The following ADGB variants were observed in gnomAD, a reference collection of about 807,000 sequenced individuals.
ADGB encodes the protein androglobin.
Under a neutral mutation model 210.5 loss-of-function variants are expected in ADGB, and 172 were observed. That is an observed-to-expected ratio of 0.82 (90% CI 0.72 to 0.93). The LOEUF (loss-of-function observed/expected upper bound fraction) is 0.93, where lower values mean the gene tolerates loss of function less well. ADGB is among the 40% of genes least tolerant of loss of function. ADGB has a pLI of 0.00. For synonymous variants in ADGB, 658 were observed against 662.7 expected, an observed-to-expected ratio of 0.99 and a Z score of 0.11; for missense variants, 2,025 against 1,964.8, an observed-to-expected ratio of 1.03 and a Z score of -0.58.
At chr6:146,649,262 CAGA>C (rs1402279348) in intron 3 of ADGB, among the ~76,000 whole-genome samples, 1 of 150,066 alleles carries the variant, frequency 6.7e-6, no homozygotes, top group African/African-American at 2.5e-5. Context: ...GCTGATAACT[CAGA>C]AGATTTATCC....
intron 17 of ADGB, among the ~76,000 whole-genome samples, chr6:146,722,566 G>A (rs1388986651): frequency 6.6e-6 from 1 of 152,038 alleles, no homozygotes; most frequent in Admixed American, 6.6e-5. Context: ...ATCTCAACAA[G>A]GCCTTAGGCA....
Position 146,785,701 on chromosome 6 carries a change from CA to C in ADGB, c.4308del (p.Glu1437LysfsTer3). 1.9e-6 allele frequency: 3 copies of C among 1,549,378 alleles called. No individual in the cohort carries two copies. Among genetic ancestry groups the C allele is most frequent in the East Asian group, 2.4e-5 (1 of 40,898 alleles). On this transcript the variant is annotated frameshift_variant, in exon 32 of 36. Transcript: ENST00000397944. LOFTEE classifies it high-confidence loss of function. ...SPPISESQTK[P>X]KEEVETAARG... ...CCTATATCTGAAAGCCAAACTAAAC[CA>C]AAAGAAGAAGGTGAGTGGATCCTAC...
intron 26 of ADGB, among the ~76,000 whole-genome samples, chr6:146,749,975 C>T (rs545436837): frequency 6.6e-6 from 1 of 152,206 alleles, no homozygotes; most frequent in South Asian, 2.1e-4. Flanking sequence ...CCCTGATTAT[C>T]ATAATTCAAC....
chr6:146,642,276 A>T (rs917462182), intron 2 of ADGB, among the ~76,000 whole-genome samples: 3 of 152,064 alleles, frequency 2.0e-5, no homozygotes, highest in African/African-American at 7.2e-5. Context: ...ATGCTTATAC[A>T]CTGTTGGTGG....
chr6:146,625,412 TTCTTTTATTATTGACA>T (rs1482160553), intron 1 of ADGB, among the ~76,000 whole-genome samples: 5 of 152,256 alleles, frequency 3.3e-5, no homozygotes, highest in South Asian at 2.1e-4. Context: ...TATTTTTTCA[TTCTTTTATTATTGACA>T]TCTTTATAAA....
At chr6:146,691,851 T>G (rs1776334612) in intron 11 of ADGB, among the ~76,000 whole-genome samples, 1 of 151,608 alleles carries the variant, frequency 6.6e-6, no homozygotes, top group Admixed American at 6.6e-5. Context: ...ACTTCCCAGT[T>G]TTTTGTGTTT....
At chr6:146,611,042 A>G (rs1032826855) in intron 1 of ADGB, among the ~76,000 whole-genome samples, 2 of 152,012 alleles carry the variant, frequency 1.3e-5, no homozygotes, top group African/African-American at 4.8e-5. Context: ...CAGTCAAGGG[A>G]GGCTGCAGGT....
rs377330695 is a variant in ADGB at position 146,600,936 on chromosome 6, A to G, written c.74+1822A>G. 8.1e-3 allele frequency among the ~76,000 whole-genome samples: 1,104 copies of G among 135,736 alleles called. 7 individuals are homozygous for G. Among genetic ancestry groups the G allele is most frequent in the Middle Eastern group, 0.011 (3 of 266 alleles). The allele number at this position is 135,736 out of a possible 152,430, so 89.0% of individuals were successfully genotyped here. A position where few individuals can be genotyped will look rare whatever the true frequency, so the allele number is the denominator to read the frequency against. On this transcript the variant is annotated intron_variant, in intron 1 of 35. Coordinates refer to ENST00000397944, the MANE Select transcript of ADGB (RefSeq NM_024694.4). The stretch of plus-strand genomic sequence containing the variant: ...ACCCCTCCCCCATGCGCACACACAC[A>G]CACACACACACACACACACACACAC...
rs1554231923 is a variant in ADGB at position 146,691,475 on chromosome 6, T to TAA, written c.1486+187_1486+188dup. On this transcript the variant is annotated intron_variant, in intron 11 of 35. Transcript: ENST00000397944. Reference sequence around the variant, plus strand: ...ATATATATAAAAATATATATATATATAAATATATATATATATATATATATA... The same window carrying TAA: ...ATATATATAAAAATATATATATATATAAAAATATATATATATATATATATATA... Among the ~76,000 whole-genome samples, 17 of 46,812 alleles carry TAA rather than the reference T, an allele frequency of 3.6e-4. No individual in the cohort carries two copies. The African/African-American group carries it at 4.3e-3, about 12-fold the overall frequency. 30.7% of individuals were successfully genotyped at this position (46,812 alleles called of 152,430 possible). A position where few individuals can be genotyped will look rare whatever the true frequency, so the allele number is the denominator to read the frequency against.
intron 1 of ADGB, among the ~76,000 whole-genome samples, chr6:146,631,545 G>A (rs6925322): frequency 0.81 from 123,469 of 152,102 alleles, 50,748 homozygotes; most frequent in African/African-American, 0.95. Flanking sequence ...TTTCAATTAG[G>A]TATATCAGAA....
intron 9 of ADGB, 25 bp downstream of exon 9, chr6:146,676,466 A>G: frequency 7.5e-7 from 1 of 1,330,950 alleles, no homozygotes; most frequent in Non-Finnish European, 9.7e-7. Flanking sequence ...TCTTAGAATA[A>G]TAACTATTTT....
chr6:146,603,125 A>G (rs948929605), intron 1 of ADGB, among the ~76,000 whole-genome samples: 6 of 152,186 alleles, frequency 3.9e-5, no homozygotes, highest in Admixed American at 3.3e-4. Context: ...TTCCATTGAG[A>G]ATTAAAATTT....
At chr6:146,686,348 T>C (rs1479474319) in intron 10 of ADGB, among the ~76,000 whole-genome samples, 4 of 152,082 alleles carry the variant, frequency 2.6e-5, no homozygotes, top group African/African-American at 7.2e-5. Context: ...TTAGAAAATG[T>C]AGTGAAAGGA....
At chr6:146,767,267 T>C (rs1777589436) in intron 28 of ADGB, among the ~76,000 whole-genome samples, 2 of 152,160 alleles carry the variant, frequency 1.3e-5, no homozygotes, top group Non-Finnish European at 2.9e-5. Flanking sequence ...AATTAAAAGA[T>C]TATTCTAAAT....
At chr6:146,806,792 A>T (rs1778218448) in intron 35 of ADGB, among the ~76,000 whole-genome samples, 1 of 152,228 alleles carries the variant, frequency 6.6e-6, no homozygotes, top group Admixed American at 6.5e-5. Context: ...GAATAGGAGC[A>T]GCTGGTGAGA....
chr6:146,660,536 C>G (rs1319278712), intron 5 of ADGB, among the ~76,000 whole-genome samples: 1 of 151,906 alleles, frequency 6.6e-6, no homozygotes, highest in Non-Finnish European at 1.5e-5. Flanking sequence ...ATTCTGTACA[C>G]TATTCTTTTC....
intron 31 of ADGB, 141 bp downstream of exon 31, chr6:146,784,935 C>T (rs1777853073): frequency 9.4e-6 from 8 of 849,338 alleles, no homozygotes; most frequent in Non-Finnish European, 1.4e-5. Context: ...CATTGAATAA[C>T]TACGTTAGGA....
chr6:146,777,391 A>T (rs2114639277), intron 29 of ADGB, among the ~76,000 whole-genome samples: 1 of 152,160 alleles, frequency 6.6e-6, no homozygotes, highest in Admixed American at 6.5e-5. Context: ...TCCCCTCACC[A>T]CTTCCATATT....
intron 29 of ADGB, among the ~76,000 whole-genome samples, chr6:146,777,556 T>C (rs1207083529): frequency 6.6e-6 from 1 of 152,104 alleles, no homozygotes; most frequent in Admixed American, 6.6e-5. Flanking sequence ...AAAATGTACA[T>C]TTTGAGGCCC....
Sources: allele counts gnomAD v4.1 joint callset (sites outside exome capture counted in the v4.1 genomes callset), GRCh38; gene constraint gnomAD v4.1.1; transcripts MANE v1.5; gene names NCBI Gene and HGNC (gene_info 2026-07-23, HGNC 2026-07-21).